LRRC56: variants seen among roughly 807,000 people sequenced by gnomAD.
The protein encoded by LRRC56 is leucine-rich repeat-containing protein 56.
Under a neutral mutation model 47.8 loss-of-function variants are expected in LRRC56, and 41 were observed. The observed-to-expected ratio is 0.86, with a 90% CI of 0.67 to 1.11. LRRC56 has a LOEUF of 1.11. Ranked by LOEUF, LRRC56 falls within the 50% of genes most tolerant of loss-of-function variation. The probability of loss-of-function intolerance (pLI) is 0.00; values close to 1 mark genes in which losing one functional copy is unlikely to be tolerated. For synonymous variants in LRRC56, 387 were observed against 311.2 expected, an observed-to-expected ratio of 1.24 and a Z score of -2.56; for missense variants, 759 against 704.2, an observed-to-expected ratio of 1.08 and a Z score of -0.88.
At chr11:510,524 G>A in the LRRC56 span, among the ~76,000 whole-genome samples, 7 of 151,272 alleles carry the variant, frequency 4.6e-5, no homozygotes, top group Non-Finnish European at 7.4e-5. Context: ...GATCATTTGC[G>A]GTCGGGAGTT....
the LRRC56 span, among the ~76,000 whole-genome samples, chr11:521,794 A>G: frequency 1.1e-4 from 16 of 152,154 alleles, no homozygotes; most frequent in African/African-American, 3.6e-4. Context: ...GAGCGCCTGT[A>G]GTCCCAGCTA....
chr11:554,104 G>A lies in LRRC56; in HGVS notation c.1457G>A (p.Gly486Glu), dbSNP rs756885824. The A allele has an allele frequency of 1.4e-5, 22 of 1,606,592 alleles. No individual in the cohort carries two copies. In the Admixed American group the frequency reaches 3.7e-4, roughly 27 times the overall value. ...GRRLRVLGSW[G>E]PGLGDGVAAV... ...CGGCTCCGAGTCCTGGGCAGCTGGG[G>A]GCCTGGCCTGGGTGATGGGGTGGCT... is the stretch of plus-strand genomic sequence containing the variant. The change falls in exon 14 of 14, where the codon GGG becomes GAG. Residue 486 changes from glycine (G) to glutamate (E), a missense_variant. Physicochemically the swap from Gly to Glu is moderately conservative, Grantham distance 98. Coordinates refer to ENST00000270115, the MANE Select transcript of LRRC56 (RefSeq NM_198075.4).
At chr11:552,517 C>T (rs969004037) in intron 12 of LRRC56, 52 bp from the exon 13 acceptor site, 24 of 1,497,046 alleles carry the variant, frequency 1.6e-5, no homozygotes, top group Non-Finnish European at 2.2e-5. Flanking sequence ...CCTATGTGTC[C>T]TGTCCCGTGG....
the LRRC56 span, chr11:528,576 C>G: frequency 6.6e-6 from 1 of 152,232 alleles, no homozygotes; most frequent in Non-Finnish European, 1.5e-5. Flanking sequence ...AGGGGGCCAA[C>G]CCCCTCCCCG....
the LRRC56 span, among the ~76,000 whole-genome samples, chr11:514,863 A>G: frequency 2.6e-5 from 4 of 152,064 alleles, no homozygotes; most frequent in Non-Finnish European, 1.5e-5. Flanking sequence ...CGCCTGTGCT[A>G]ACTTCCAGCA....
rs1851809553 is a variant in LRRC56, at chr11:541,814, C to T, written c.265+190C>T. Among the ~76,000 whole-genome samples, 2 of 151,822 alleles carry T rather than the reference C, an allele frequency of 1.3e-5. No individual in the cohort carries two copies. The highest frequency in any genetic ancestry group is 1.3e-4 in the Admixed American group (2 of 15,240). On this transcript the variant is annotated intron_variant, in intron 5 of 13. Transcript: ENST00000270115. The surrounding 1 kb of genome is among the most constrained non-coding windows in gnomAD (Gnocchi z 4.1). The stretch of plus-strand genomic sequence containing the variant: ...AGGGCAATGCACTCAGCACCCCGCA[C>T]ACCACACCAGTACCCCCAGCACGCT...
the LRRC56 span, among the ~76,000 whole-genome samples, chr11:518,654 T>A: frequency 1.3e-5 from 2 of 152,052 alleles, no homozygotes; most frequent in Non-Finnish European, 2.9e-5. Flanking sequence ...GAGACCGTAT[T>A]CCATTCCCAT....
At chr11:546,512 G>C (rs953895381) in intron 6 of LRRC56, among the ~76,000 whole-genome samples, 2 of 151,482 alleles carry the variant, frequency 1.3e-5, no homozygotes, top group Non-Finnish European at 2.9e-5. Context: ...AGCTTGCAGT[G>C]AGCCAAGATC....
At chr11:509,198 C>T in the LRRC56 span, among the ~76,000 whole-genome samples, 1 of 152,168 alleles carries the variant, frequency 6.6e-6, no homozygotes, top group Non-Finnish European at 1.5e-5. Context: ...GATTCTTTAA[C>T]TCTCTAAGCT....
intron 11 of LRRC56, 56 bp downstream of exon 11, chr11:552,023 T>C: frequency 6.2e-7 from 1 of 1,608,418 alleles, no homozygotes; most frequent in Non-Finnish European, 8.5e-7. Context: ...GTTGCGGCCC[T>C]GACAGTGCCC....
the LRRC56 span, among the ~76,000 whole-genome samples, chr11:511,196 C>T: frequency 6.6e-6 from 1 of 151,796 alleles, no homozygotes; most frequent in African/African-American, 2.4e-5. Context: ...TGGCGGGCGC[C>T]TGTAGTCCCA....
chr11:539,383 C>CTT (rs1564796153), intron 2 of LRRC56, among the ~76,000 whole-genome samples, 197 bp from the exon 3 acceptor site: 1 of 81,946 alleles, frequency 1.2e-5, no homozygotes, highest in East Asian at 2.8e-4. Flanking sequence ...CCGCACCCAG[C>CTT]CTTTTTTTTT....
chr11:515,667 G>T, the LRRC56 span, among the ~76,000 whole-genome samples: 1 of 151,972 alleles, frequency 6.6e-6, no homozygotes, highest in Non-Finnish European at 1.5e-5. Context: ...GTGAAACCCC[G>T]TCTCTACTAA....
In LRRC56 at chr11:554,536, C is replaced by G. The variant is rs972869749; in HGVS notation, c.*260C>G. Reference sequence around the variant, plus strand: ...TCCCCAGCCCTTCCTTAGGGCCAGGCTTTCCCGCGGGCACGGGGGTGGGGG... The same window carrying G: ...TCCCCAGCCCTTCCTTAGGGCCAGGGTTTCCCGCGGGCACGGGGGTGGGGG... On this transcript the variant is annotated 3_prime_UTR_variant, in exon 14 of 14. Transcript: ENST00000270115. 4.9e-6 allele frequency: 2 copies of G among 408,926 alleles called. No homozygotes were observed. The highest frequency in any genetic ancestry group is 2.1e-5 in the African/African-American group (1 of 46,536). 25.3% of individuals were successfully genotyped at this position (408,926 alleles called of 1,614,324 possible).
the LRRC56 span, among the ~76,000 whole-genome samples, chr11:525,535 G>A: frequency 6.0e-5 from 9 of 149,530 alleles, no homozygotes; most frequent in African/African-American, 1.7e-4. Flanking sequence ...GTGACAGAGT[G>A]AGACCCTGTC....
At chr11:534,398 GC>G, upstream of LRRC56, 1 of 1,230,258 alleles carries the variant, frequency 8.1e-7, no homozygotes, top group Non-Finnish European at 1.2e-6. Context: ...GCCCTGCTCA[GC>G]CAGGCCCAGG....
Position 554,035 on chromosome 11 carries a change from G to C in LRRC56, c.1388G>C (p.Ser463Thr), listed in dbSNP as rs1186010745. ...CACCCAAGGCCACGAGATTCTGGCAGCAGCTCCCCGCGGTGGTCGACAGAC... is the reference window on the plus strand; with the variant it reads ...CACCCAAGGCCACGAGATTCTGGCACCAGCTCCCCGCGGTGGTCGACAGAC... ...PKHPRPRDSGSSSPRWSTDLQ... is the reference protein window; with the variant it reads ...PKHPRPRDSGTSSPRWSTDLQ... Residue 463 changes from serine to threonine, a missense_variant, in exon 14 of 14, where the codon AGC (serine) becomes ACC (threonine). Ser to Thr is a moderately conservative substitution (Grantham distance 58, BLOSUM62 1). Transcript: ENST00000270115. The C allele has an allele frequency of 1.2e-6, 2 of 1,612,002 alleles. No individual in the cohort carries two copies. The highest frequency in any genetic ancestry group is 1.3e-5 in the African/African-American group (1 of 74,912).
chr11:514,802 C>T, the LRRC56 span, among the ~76,000 whole-genome samples: 8 of 152,240 alleles, frequency 5.3e-5, no homozygotes, highest in East Asian at 1.2e-3. Context: ...GGCTTTATTG[C>T]GACATTTGTG....
In LRRC56 at chr11:554,870, T is replaced by G. The variant is rs193073450; in HGVS notation, c.*594T>G. 5.3e-5 allele frequency: 40 copies of G among 755,168 alleles called. No individual in the cohort carries two copies. Among genetic ancestry groups the G allele is most frequent in the Non-Finnish European group, 7.7e-5 (39 of 505,268 alleles). 46.8% of individuals were successfully genotyped at this position (755,168 alleles called of 1,614,324 possible). On this transcript the variant is annotated 3_prime_UTR_variant, in exon 14 of 14. Transcript: ENST00000270115. ...AGCTCTCAGGTGTACAGAAATGCGGTTTACTTTGTAGGCCACGTTGGTTCA... is the reference window on the plus strand; with the variant it reads ...AGCTCTCAGGTGTACAGAAATGCGGGTTACTTTGTAGGCCACGTTGGTTCA...
Sources: gnomAD v4.1 joint callset for allele counts (sites outside exome capture counted in the v4.1 genomes callset) on GRCh38, gnomAD v4.1.1 for gene constraint, Gnocchi (gnomAD v3.1) non-coding constraint, MANE v1.5 for transcripts, NCBI Gene and HGNC (gene_info 2026-07-23, HGNC 2026-07-21) for gene names.